Variants in PPP3CB observed in about 807,000 individuals in gnomAD.
The protein encoded by PPP3CB is protein phosphatase 3 catalytic subunit beta.
A neutral mutation model predicts 66.4 loss-of-function variants in PPP3CB; 8 were observed. The ratio of observed to expected loss-of-function variants is 0.12; its 90% CI spans 0.07 to 0.22. The LOEUF is 0.22. Among genes scored for constraint, PPP3CB ranks in the 10% least tolerant of loss-of-function variants. The pLI is 1.00. For missense variants in PPP3CB, 319 were observed against 642.5 expected, an observed-to-expected ratio of 0.50 and a Z score of 5.44; for synonymous variants, 208 against 221.2, an observed-to-expected ratio of 0.94 and a Z score of 0.53.
At chr10:73,478,720 G>C in intron 2 of PPP3CB, 97 bp from the exon 3 acceptor site, 3 of 1,067,214 alleles carry the variant, frequency 2.8e-6, no homozygotes, top group South Asian at 1.6e-5. Flanking sequence ...TAGTACAAAT[G>C]CTATCAAGAA....
rs1169057565 is a variant in PPP3CB at position 73,445,771 on chromosome 10, C to T, written c.1268+721G>A. On this transcript the variant is annotated intron_variant, in intron 11 of 13. Coordinates refer to ENST00000360663, the MANE Select transcript of PPP3CB (RefSeq NM_021132.4). ...ACCCTTTTTTTTTTTTTTTCTGAGA[C>T]AGAGTCTCACTCTGTCACCCAGGCT... is the stretch of plus-strand genomic sequence containing the variant. Among the ~76,000 whole-genome samples the T allele has an allele frequency of 2.7e-4, 37 of 138,980 alleles. No homozygotes were observed. The Middle Eastern group carries it at 0.018, about 66-fold the overall frequency. The allele number at this position is 138,980 out of a possible 152,430, so 91.2% of individuals were successfully genotyped here.
chr10:73,459,582 T>C (rs1424177967), intron 9 of PPP3CB, among the ~76,000 whole-genome samples: 1 of 152,264 alleles, frequency 6.6e-6, no homozygotes, highest in East Asian at 1.9e-4. Context: ...AGCTGATGAA[T>C]AAAACAAACA....
rs766341909 is a variant in PPP3CB, at chr10:73,471,465, T to C, written c.669+3A>G. 1.3e-5 allele frequency: 21 copies of C among 1,592,898 alleles called. No homozygotes were observed. Among genetic ancestry groups the C allele is most frequent in the Non-Finnish European group, 1.5e-5 (18 of 1,172,636 alleles). On this transcript the variant is annotated splice_donor_region_variant and intron_variant, in intron 5 of 13. Coordinates refer to ENST00000360663, the MANE Select transcript of PPP3CB (RefSeq NM_021132.4). ...CAATCTCGGAAGTAAAATATATACTTACTCTCCTAATATCATCCAGTGTGT... is the reference window on the plus strand; with the variant it reads ...CAATCTCGGAAGTAAAATATATACTCACTCTCCTAATATCATCCAGTGTGT...
chr10:73,444,711 C>G lies in PPP3CB; in HGVS notation c.1366+14G>C, dbSNP rs1443994440. ...AGTCCATCTGAGGCACAGCAAGTTG[C>G]ATAACATCATTACCACTTTGCAGGG... On this transcript the variant is annotated intron_variant, in intron 12 of 13. Coordinates refer to ENST00000360663, the MANE Select transcript of PPP3CB (RefSeq NM_021132.4). 1 of 1,614,128 alleles carries G rather than the reference C, an allele frequency of 6.2e-7. No homozygotes were observed. Among genetic ancestry groups the G allele is most frequent in the Non-Finnish European group, 8.5e-7 (1 of 1,180,006 alleles).
chr10:73,474,042 T>C (rs1279848725), intron 4 of PPP3CB, among the ~76,000 whole-genome samples: 1 of 152,096 alleles, frequency 6.6e-6, no homozygotes, highest in East Asian at 1.9e-4. Flanking sequence ...AGAAAAAATA[T>C]ATACATTTTT....
chr10:73,445,684 TG>T (rs1233690528), intron 11 of PPP3CB, among the ~76,000 whole-genome samples: 4 of 152,126 alleles, frequency 2.6e-5, no homozygotes, highest in Non-Finnish European at 2.9e-5. Context: ...CCGCCCGCTT[TG>T]GCCTCCCAAA....
chr10:73,495,006 G>A (rs1041862842), intron 1 of PPP3CB, among the ~76,000 whole-genome samples: 23 of 152,282 alleles, frequency 1.5e-4, no homozygotes, highest in African/African-American at 5.1e-4. Flanking sequence ...GACCTGTTGT[G>A]GGTAAACATC....
intron 10 of PPP3CB, among the ~76,000 whole-genome samples, chr10:73,447,267 A>T (rs2056272634): frequency 6.6e-6 from 1 of 152,214 alleles, no homozygotes; most frequent in Non-Finnish European, 1.5e-5. Context: ...AACATGGCTA[A>T]AGGATCACTA....
chr10:73,488,971 T>C (rs2057030899), intron 1 of PPP3CB, among the ~76,000 whole-genome samples: 1 of 152,174 alleles, frequency 6.6e-6, no homozygotes, highest in Non-Finnish European at 1.5e-5. Flanking sequence ...ACTCAAAAAC[T>C]TGGGGTAGTT....
chr10:73,457,565 C>T lies in PPP3CB; in HGVS notation c.1109-3076G>A, dbSNP rs572918638. On this transcript the variant is annotated intron_variant, in intron 9 of 13. Transcript: ENST00000360663. ...TCAGCCTTACCAACATGGTGAAACC[C>T]TGTCTCTACTAAAAATACAAAAATT... Among the ~76,000 whole-genome samples the T allele has an allele frequency of 3.3e-5, 5 of 151,962 alleles. No homozygotes were observed. The East Asian group carries it at 9.7e-4, about 29-fold the overall frequency.
Position 73,495,966 on chromosome 10 carries a change from C to A in PPP3CB, c.-77G>T. On this transcript the variant is annotated 5_prime_UTR_variant, in exon 1 of 14. Coordinates refer to ENST00000360663, the MANE Select transcript of PPP3CB (RefSeq NM_021132.4). ...GGCGGCGGCTACCAGAGCCAAGCGG[C>A]GGCGCCGCCGGGGAACATGGCGGAC... 1 of 885,792 alleles carries A rather than the reference C, an allele frequency of 1.1e-6. No homozygotes were observed. Among genetic ancestry groups the A allele is most frequent in the Non-Finnish European group, 1.4e-6 (1 of 696,498 alleles). The allele number at this position is 885,792 out of a possible 1,614,324, so 54.9% of individuals were successfully genotyped here. A position where few individuals can be genotyped will look rare whatever the true frequency, so the allele number is the denominator to read the frequency against.
chr10:73,489,738 G>C (rs1359732109), intron 1 of PPP3CB, among the ~76,000 whole-genome samples: 1 of 152,166 alleles, frequency 6.6e-6, no homozygotes, highest in Non-Finnish European at 1.5e-5. Flanking sequence ...TCCTCAACTT[G>C]TAATACAAAA....
chr10:73,476,407 A>G (rs531828587), intron 3 of PPP3CB, among the ~76,000 whole-genome samples: 236 of 152,284 alleles, frequency 1.5e-3, no homozygotes, highest in African/African-American at 5.4e-3. Context: ...ACCTGAGGCC[A>G]GGAGTTCGAG....
At chr10:73,481,864 A>T (rs1421715926) in intron 1 of PPP3CB, among the ~76,000 whole-genome samples, 1 of 151,974 alleles carries the variant, frequency 6.6e-6, no homozygotes, top group East Asian at 1.9e-4. Context: ...TTCCCTTCAC[A>T]AGAAACATGT....
At chr10:73,439,252 T>A (rs1381208431) in intron 13 of PPP3CB, among the ~76,000 whole-genome samples, 1 of 152,180 alleles carries the variant, frequency 6.6e-6, no homozygotes, top group African/African-American at 2.4e-5. Flanking sequence ...TAGGTCTTAG[T>A]CTGGCACATG....
intron 2 of PPP3CB, among the ~76,000 whole-genome samples, chr10:73,479,044 T>G (rs1199506603): frequency 6.6e-6 from 1 of 152,220 alleles, no homozygotes; most frequent in Non-Finnish European, 1.5e-5. Flanking sequence ...GAAAGCAAAG[T>G]AAGTATTGAT....
intron 1 of PPP3CB, among the ~76,000 whole-genome samples, chr10:73,481,951 TAATAA>T (rs1415145573): frequency 9.2e-5 from 14 of 152,154 alleles, no homozygotes; most frequent in East Asian, 1.9e-4. Flanking sequence ...GTCAAGATTC[TAATAA>T]AATAAAAGCC....
At chr10:73,454,662 T>C (rs1039458519) in intron 9 of PPP3CB, among the ~76,000 whole-genome samples, 173 bp from the exon 10 acceptor site, 2 of 151,656 alleles carry the variant, frequency 1.3e-5, no homozygotes, top group African/African-American at 4.9e-5. Context: ...ATGAAAGAAA[T>C]TCAGTGGATA....
At chr10:73,483,778 GAT>G (rs1483606500) in intron 1 of PPP3CB, among the ~76,000 whole-genome samples, 3 of 152,194 alleles carry the variant, frequency 2.0e-5, no homozygotes, top group Non-Finnish European at 4.4e-5. Context: ...CGGGGCAAAA[GAT>G]AACTGTCCAA....
Sources: allele counts gnomAD v4.1 joint callset (sites outside exome capture counted in the v4.1 genomes callset), GRCh38; gene constraint gnomAD v4.1.1; transcripts MANE v1.5; gene names NCBI Gene and HGNC (gene_info 2026-07-23, HGNC 2026-07-21).